RYR2: variants seen among roughly 807,000 people sequenced by gnomAD.
RYR2 encodes ryanodine receptor 2.
Under a neutral mutation model 601.1 loss-of-function variants are expected in RYR2, and 227 were observed. The observed-to-expected ratio is 0.38, with a 90% confidence interval of 0.34 to 0.42. RYR2 has a LOEUF of 0.42. RYR2 is among the 10% of genes least tolerant of loss of function. The probability of loss-of-function intolerance (pLI) is 1.00; values close to 1 mark genes in which losing one functional copy is unlikely to be tolerated. For synonymous variants in RYR2, 2,223 were observed against 2,175.1 expected, an observed-to-expected ratio of 1.02 and a Z score of -0.61; for missense variants, 4,646 against 6,156.5, an observed-to-expected ratio of 0.75 and a Z score of 8.21.
intron 79 of RYR2, among the ~76,000 whole-genome samples, chr1:237,740,700 C>G (rs930853973): frequency 6.6e-6 from 1 of 152,116 alleles, no homozygotes; most frequent in African/African-American, 2.4e-5. Flanking sequence ...ATCCTTGAGA[C>G]ATTGTATATT....
At chr1:237,475,343 G>A (rs1661286300) in intron 17 of RYR2, among the ~76,000 whole-genome samples, 1 of 152,142 alleles carries the variant, frequency 6.6e-6, no homozygotes, top group South Asian at 2.1e-4. Context: ...TTGGGGTTCT[G>A]TTTTTGTGGG....
chr1:237,510,390 T>G (rs1294824655), intron 23 of RYR2, among the ~76,000 whole-genome samples: 1 of 152,212 alleles, frequency 6.6e-6, no homozygotes, highest in Non-Finnish European at 1.5e-5. Context: ...ATAGGGAGAT[T>G]ATTTGTGGGT....
chr1:237,722,310 G>A (rs979947320), intron 73 of RYR2, among the ~76,000 whole-genome samples: 15 of 151,838 alleles, frequency 9.9e-5, no homozygotes, highest in African/African-American at 3.4e-4. Flanking sequence ...TAAATCTCAC[G>A]GTATTTTATA....
chr1:237,663,831 C>T (rs1684036071), intron 56 of RYR2, among the ~76,000 whole-genome samples: 1 of 152,172 alleles, frequency 6.6e-6, no homozygotes, highest in African/African-American at 2.4e-5. Context: ...AGGAAATTTA[C>T]TGTCCACTTA....
chr1:237,068,182 A>G (rs903568031), intron 1 of RYR2, among the ~76,000 whole-genome samples: 6 of 152,106 alleles, frequency 3.9e-5, no homozygotes, highest in African/African-American at 1.4e-4. Flanking sequence ...GTTTTTTAAA[A>G]AAACACTTCT....
In RYR2 at chr1:237,500,893, G is replaced by A; in HGVS notation, c.2386G>A (p.Ala796Thr). ...CTTCTTTCCAGTCGTTAGTTTCTCT[G>A]CAGGAATAAAGTTAGTATGTCTATG... ...GLFFPVVSFS[A>T]GIKVRFLLGG... The change falls in exon 21 of 105, where the codon GCA (alanine) becomes ACA (threonine). Residue 796 changes from alanine (A) to threonine (T), a missense_variant. This residue lies in a region of RYR2 where 1,807 missense variants were observed against 2,088.1 expected (regional missense o/e 0.87). Transcript: ENST00000366574. 6.2e-7 allele frequency: 1 copy of A among 1,613,942 alleles called. No homozygotes were observed. Among genetic ancestry groups the A allele is most frequent in the South Asian group, 1.1e-5 (1 of 91,082 alleles).
At chr1:237,119,392 A>G (rs914281593) in intron 1 of RYR2, among the ~76,000 whole-genome samples, 21 of 152,188 alleles carry the variant, frequency 1.4e-4, no homozygotes, top group African/African-American at 4.6e-4. Flanking sequence ...AAACTGCTAC[A>G]GTAATTGGGA....
At chr1:237,045,862 G>A (rs1419935095) in intron 1 of RYR2, among the ~76,000 whole-genome samples, 1 of 129,028 alleles carries the variant, frequency 7.8e-6, no homozygotes, top group East Asian at 2.3e-4. Context: ...AAATGACCTT[G>A]GTCAAGGTTT....
At chr1:237,215,168 T>G (rs933710863) in intron 1 of RYR2, among the ~76,000 whole-genome samples, 1 of 152,216 alleles carries the variant, frequency 6.6e-6, no homozygotes, top group African/African-American at 2.4e-5. Context: ...TGAAATTTGT[T>G]TTTTTCCCAG....
intron 1 of RYR2, among the ~76,000 whole-genome samples, chr1:237,232,084 C>G (rs573555978): frequency 1.3e-5 from 2 of 152,266 alleles, no homozygotes; most frequent in East Asian, 1.9e-4. Context: ...AAAATACATA[C>G]TTGGTGTTCA....
Position 237,375,482 on chromosome 1 carries a change from A to G in RYR2, c.463+687A>G, listed in dbSNP as rs530676199. On this transcript the variant is annotated intron_variant, in intron 7 of 104. Coordinates refer to ENST00000366574, the MANE Select transcript of RYR2 (RefSeq NM_001035.3). ...AAAAAGAATGGAAGGAAATAGTTCAACTTTTATTAAGTTGTTCCCTTCAAG... is the reference window on the plus strand; with the variant it reads ...AAAAAGAATGGAAGGAAATAGTTCAGCTTTTATTAAGTTGTTCCCTTCAAG... Among the ~76,000 whole-genome samples, 8 of 152,322 alleles carry G rather than the reference A, an allele frequency of 5.3e-5. No individual in the cohort carries two copies. The South Asian group carries it at 1.4e-3, about 28-fold the overall frequency.
chr1:237,132,934 T>C (rs1312003950), intron 1 of RYR2, among the ~76,000 whole-genome samples: 2 of 151,238 alleles, frequency 1.3e-5, no homozygotes, highest in Non-Finnish European at 2.9e-5. Flanking sequence ...TCAGGTAGAG[T>C]TGGGTTTTTT....
chr1:237,787,968 T>C lies in RYR2; in HGVS notation c.13329-20T>C, dbSNP rs1553325218. ...CTTTAGTTTCTGGAGAGCTTATGTT[T>C]TGTTTGTTTGTTTTCATAGGGGAGA... On this transcript the variant is annotated intron_variant, in intron 91 of 104. Transcript: ENST00000366574. 1 of 1,568,964 alleles carries C rather than the reference T, an allele frequency of 6.4e-7. No homozygotes were observed. The highest frequency in any genetic ancestry group is 8.7e-7 in the Non-Finnish European group (1 of 1,155,666).
chr1:237,580,224 C>T (rs978488876), intron 29 of RYR2, among the ~76,000 whole-genome samples: 5 of 143,146 alleles, frequency 3.5e-5, no homozygotes, highest in African/African-American at 1.0e-4. Flanking sequence ...GGTGTGATCG[C>T]AGCTCACTGG....
chr1:237,728,181 TA>T (rs1690352089), intron 76 of RYR2, among the ~76,000 whole-genome samples: 1 of 152,050 alleles, frequency 6.6e-6, no homozygotes, highest in South Asian at 2.1e-4. Context: ...AGTGAATGTA[TA>T]AGGCAAAGAA....
chr1:237,176,259 A>G (rs1279125933), intron 1 of RYR2, among the ~76,000 whole-genome samples: 14 of 120,406 alleles, frequency 1.2e-4, no homozygotes, highest in African/African-American at 2.7e-4. Context: ...ATATATATAT[A>G]TATATAAAAA....
intron 1 of RYR2, among the ~76,000 whole-genome samples, chr1:237,179,129 T>G (rs781637879): frequency 5.9e-5 from 9 of 152,210 alleles, no homozygotes; most frequent in Non-Finnish European, 8.8e-5. Context: ...TCTTTAGGAA[T>G]GCCTTGAGTA....
At chr1:237,260,031 A>G (rs1422374749) in intron 1 of RYR2, among the ~76,000 whole-genome samples, 1 of 152,192 alleles carries the variant, frequency 6.6e-6, no homozygotes, top group Admixed American at 6.5e-5. Context: ...GTTCATGCAT[A>G]CAAGGCAAAG....
intron 38 of RYR2, among the ~76,000 whole-genome samples, chr1:237,623,383 CTTTTTT>C (rs1164153613): frequency 2.8e-5 from 3 of 108,856 alleles, no homozygotes; most frequent in African/African-American, 1.1e-4. Flanking sequence ...TTCTTTCTTT[CTTTTTT>C]TTTTTTTTTT....
Sources: gnomAD v4.1 joint callset for allele counts (sites outside exome capture counted in the v4.1 genomes callset) on GRCh38, gnomAD v4.1.1 for gene constraint, gnomAD v4.1.1 regional missense constraint, MANE v1.5 for transcripts, NCBI Gene and HGNC (gene_info 2026-07-23, HGNC 2026-07-21) for gene names.